DNAAF10: variants seen among roughly 807,000 people sequenced by gnomAD.
DNAAF10 encodes dynein axonemal assembly factor 10, also known as WD repeat domain 92.
Under a neutral mutation model 43.7 loss-of-function variants are expected in DNAAF10, and 28 were observed. That is an observed-to-expected ratio of 0.64 (90% CI 0.48 to 0.88). DNAAF10 has a LOEUF of 0.88. Among genes scored for constraint, DNAAF10 ranks in the 40% least tolerant of loss-of-function variants. The pLI is 0.00. For synonymous variants in DNAAF10, 156 were observed against 157.3 expected (o/e 0.99, Z 0.06); for missense variants, 403 against 439.1 (o/e 0.92, Z 0.73).
At chr2:68,135,553 G>A (rs1673021938) in intron 6 of DNAAF10, among the ~76,000 whole-genome samples, 1 of 152,218 alleles carries the variant, frequency 6.6e-6, no homozygotes, top group African/African-American at 2.4e-5. Flanking sequence ...GAGAGAGACA[G>A]AGGGAGAGAG....
chr2:68,135,980 T>C (rs529691846), intron 6 of DNAAF10, among the ~76,000 whole-genome samples: 60 of 152,062 alleles, frequency 3.9e-4, no homozygotes, highest in African/African-American at 1.4e-3. Context: ...TTTGGGAGGC[T>C]GAGGCAGGAG....
At chr2:68,151,618 T>C (rs1442144167) in intron 1 of DNAAF10, among the ~76,000 whole-genome samples, 1 of 152,228 alleles carries the variant, frequency 6.6e-6, no homozygotes, top group Non-Finnish European at 1.5e-5. Context: ...AATGAAGGTA[T>C]AAATGACCAT....
rs149937589 is a variant in DNAAF10, at chr2:68,131,342, T to C, written c.970A>G (p.Ile324Val). 471 of 1,614,122 alleles carry C rather than the reference T, an allele frequency of 2.9e-4. 3 individuals are homozygous for C. In the African/African-American group the frequency reaches 5.3e-3, roughly 18 times the overall value. The change falls in exon 8 of 8, where the codon ATT becomes GTT. Residue 324 changes from isoleucine (I) to valine (V), a missense_variant. Physicochemically the swap from Ile to Val is conservative, Grantham distance 29. Coordinates refer to ENST00000295121, the MANE Select transcript of DNAAF10 (RefSeq NM_138458.4). ...TCTGGACTCCAATCCAAACTTGAAA[T>C]GGGCTGGGTGGACAACGTAACATTC... ...LQNVTLSTQPISSLDWSPDKR... is the reference protein window; with the variant it reads ...LQNVTLSTQPVSSLDWSPDKR...
Position 68,137,288 on chromosome 2 carries a change from C to T in DNAAF10, c.768+11G>A, listed in dbSNP as rs1673066713. The T allele has an allele frequency of 2.5e-6, 4 of 1,603,810 alleles. No homozygotes were observed. Among genetic ancestry groups the T allele is most frequent in the Non-Finnish European group, 3.4e-6 (4 of 1,175,504 alleles). On this transcript the variant is annotated intron_variant, in intron 6 of 7. Transcript: ENST00000295121. Reference sequence around the variant, plus strand: ...TTCTTCTTCATAGAAAGACATTTCCCTCATATTTACCTTTTCTGAAACAGA... The same window carrying T: ...TTCTTCTTCATAGAAAGACATTTCCTTCATATTTACCTTTTCTGAAACAGA...
intron 1 of DNAAF10, chr2:68,156,970 C>A (rs1673635112): frequency 4.2e-6 from 2 of 474,898 alleles, no homozygotes; most frequent in Non-Finnish European, 7.6e-6. Flanking sequence ...TGATGCCTGT[C>A]GAATGTGTTA....
At chr2:68,153,501 C>T (rs1673506212) in intron 1 of DNAAF10, among the ~76,000 whole-genome samples, 2 of 152,088 alleles carry the variant, frequency 1.3e-5, no homozygotes, top group African/African-American at 4.8e-5. Context: ...TTAAAATCAC[C>T]TTGCGGAAGT....
At position 68,140,854 on chromosome 2, in the gene DNAAF10, C is replaced by A. The variant is rs142140114; in HGVS notation, c.517+840G>T. On this transcript the variant is annotated intron_variant, in intron 4 of 7. Transcript: ENST00000295121. ...ATTTGGAAAAAAATTTGCATCTACA[C>A]TAAAAACGTACAGACTTCTTGTGCT... is the stretch of plus-strand genomic sequence containing the variant. Among the ~76,000 whole-genome samples the A allele has an allele frequency of 2.0e-5, 3 of 152,284 alleles. No individual in the cohort carries two copies. In the East Asian group the frequency reaches 5.8e-4, roughly 29 times the overall value.
intron 4 of DNAAF10, among the ~76,000 whole-genome samples, chr2:68,141,404 TC>T (rs1673176796): frequency 6.6e-6 from 1 of 152,338 alleles, no homozygotes; most frequent in South Asian, 2.1e-4. Context: ...CATTGACTCT[TC>T]ATGACAACAC....
At chr2:68,139,531 T>C (rs775000916) in intron 4 of DNAAF10, among the ~76,000 whole-genome samples, 2 of 151,294 alleles carry the variant, frequency 1.3e-5, no homozygotes, top group Non-Finnish European at 2.9e-5. Context: ...TGAAAGGATA[T>C]GTGAAAGTGT....
At chr2:68,152,891 T>C (rs532579725) in intron 1 of DNAAF10, among the ~76,000 whole-genome samples, 1 of 152,174 alleles carries the variant, frequency 6.6e-6, no homozygotes, top group Non-Finnish European at 1.5e-5. Flanking sequence ...AATACTTAAT[T>C]AACATTAAAA....
intron 2 of DNAAF10, among the ~76,000 whole-genome samples, chr2:68,146,764 A>G (rs1206296033): frequency 6.6e-6 from 1 of 152,190 alleles, no homozygotes; most frequent in African/African-American, 2.4e-5. Flanking sequence ...GACTCAAGAA[A>G]GGTCATGTTA....
Position 68,157,432 on chromosome 2 carries a change from G to C in DNAAF10, c.12C>G (p.Phe4Leu), listed in dbSNP as rs944708070. 1.2e-6 allele frequency: 2 copies of C among 1,614,144 alleles called. No homozygotes were observed. The highest frequency in any genetic ancestry group is 3.3e-5 in the Admixed American group (2 of 60,018). Residue 4 changes from phenylalanine to leucine, a missense_variant, in exon 1 of 8, where the codon TTC (phenylalanine) becomes TTG (leucine). Transcript: ENST00000295121. ...TATGGGCGATGATCTGAGGCTTCTC[G>C]AAGGCCGACATGGTGCAGCCAATTT... MSA[F>L]EKPQIIAHIQ...
chr2:68,133,964 G>A lies in DNAAF10; in HGVS notation c.866+738C>T, dbSNP rs748684194. The A allele has an allele frequency of 8.2e-5, 18 of 219,746 alleles. No individual in the cohort carries two copies. The Admixed American group carries it at 1.2e-3, about 14-fold the overall frequency. 13.6% of individuals were successfully genotyped at this position (219,746 alleles called of 1,614,324 possible). A position where few individuals can be genotyped will look rare whatever the true frequency, so the allele number is the denominator to read the frequency against. ...ACATTATTAATGAAACTTTATTTTT[G>A]AAATATCCTTCATTTATGGGCTTGC... is the stretch of plus-strand genomic sequence containing the variant. On this transcript the variant is annotated intron_variant, in intron 7 of 7. Transcript: ENST00000295121.
At chr2:68,147,623 T>C in intron 1 of DNAAF10, 56 bp from the exon 2 acceptor site, 2 of 1,240,850 alleles carry the variant, frequency 1.6e-6, no homozygotes, top group Non-Finnish European at 2.2e-6. Flanking sequence ...ATATTTATAA[T>C]CTATTAATAT....
intron 1 of DNAAF10, among the ~76,000 whole-genome samples, chr2:68,155,514 G>C (rs1370675557): frequency 6.6e-6 from 1 of 151,294 alleles, no homozygotes; most frequent in Non-Finnish European, 1.5e-5. Flanking sequence ...AAGAAAGAAA[G>C]AAAAGAAAAA....
rs1242313056 is a variant in DNAAF10, at chr2:68,130,648, G to GT, written c.*589dup. 10 of 152,906 alleles carry GT rather than the reference G, an allele frequency of 6.5e-5. No homozygotes were observed. The highest frequency in any genetic ancestry group is 2.2e-4 in the African/African-American group (9 of 41,440). The allele number at this position is 152,906 out of a possible 1,614,324, so 9.5% of individuals were successfully genotyped here. ...GGGACACAGAACAAATCTGAAATATGTTTAATTATAGACAACTATTGACTT... is the reference window on the plus strand; with the variant it reads ...GGGACACAGAACAAATCTGAAATATGTTTTAATTATAGACAACTATTGACTT... On this transcript the variant is annotated 3_prime_UTR_variant, in exon 8 of 8. Coordinates refer to ENST00000295121, the MANE Select transcript of DNAAF10 (RefSeq NM_138458.4).
At chr2:68,138,379 A>C (rs1177729562) in intron 5 of DNAAF10, among the ~76,000 whole-genome samples, 1 of 152,214 alleles carries the variant, frequency 6.6e-6, no homozygotes, top group Admixed American at 6.5e-5. Context: ...ACAACTAAGG[A>C]ACCAAAAATC....
chr2:68,141,737 A>G lies in DNAAF10; in HGVS notation c.474T>C (p.Pro158=), dbSNP rs756730094. 2.5e-6 allele frequency: 4 copies of G among 1,614,160 alleles called. No homozygotes were observed. Among genetic ancestry groups the G allele is most frequent in the Non-Finnish European group, 3.4e-6 (4 of 1,180,010 alleles). Residue 158 remains proline (P), a synonymous_variant, in exon 4 of 8, where the codon CCT becomes CCC. Transcript: ENST00000295121. Reference sequence around the variant, plus strand: ...AGTCTCTCTTGTTTTCTCCTTGTACAGGTTCCATATTAGCAACAGGATCAT... The same window carrying G: ...AGTCTCTCTTGTTTTCTCCTTGTACGGGTTCCATATTAGCAACAGGATCAT... ...QKDDPVANME[P]VQGENKRDCW...
chr2:68,133,905 T>C (rs1283197225), intron 7 of DNAAF10, among the ~76,000 whole-genome samples: 1 of 152,174 alleles, frequency 6.6e-6, no homozygotes, highest in Non-Finnish European at 1.5e-5. Flanking sequence ...AATGTGAAAG[T>C]CCCAGATATA....
Sources: gnomAD v4.1 joint callset for allele counts (sites outside exome capture counted in the v4.1 genomes callset) on GRCh38, gnomAD v4.1.1 for gene constraint, MANE v1.5 for transcripts, NCBI Gene and HGNC (gene_info 2026-07-23, HGNC 2026-07-21) for gene names.